YAF2: variants seen among roughly 807,000 people sequenced by gnomAD.
YAF2 encodes YY1 associated factor 2, also known as YY1-associated factor 2.
In YAF2, 7 loss-of-function variants were observed where a neutral mutation model predicts 20.1. That is an observed-to-expected ratio of 0.35 (90% CI 0.20 to 0.65). The LOEUF (loss-of-function observed/expected upper bound fraction) is 0.65. Ranked by LOEUF, YAF2 falls within the 30% of genes least tolerant of loss-of-function variation. YAF2 has a pLI of 0.69. For missense variants in YAF2, 151 were observed against 219.2 expected, an observed-to-expected ratio of 0.69 and a Z score of 1.96; for synonymous variants, 74 against 76.0, an observed-to-expected ratio of 0.97 and a Z score of 0.14.
chr12:42,165,726 C>T (rs1169808409), intron 2 of YAF2, among the ~76,000 whole-genome samples: 1 of 150,326 alleles, frequency 6.7e-6, no homozygotes, highest in East Asian at 1.9e-4. Flanking sequence ...CCGCCTCAGC[C>T]TCCCAAAGTG....
At chr12:42,163,015 T>C (rs1039320871) in intron 2 of YAF2, among the ~76,000 whole-genome samples, 1 of 152,160 alleles carries the variant, frequency 6.6e-6, no homozygotes, top group Admixed American at 6.6e-5. Context: ...TTTTCAAATA[T>C]AAGGTACATC....
chr12:42,174,085 T>C (rs1027540794), intron 2 of YAF2, among the ~76,000 whole-genome samples: 2 of 148,000 alleles, frequency 1.4e-5, no homozygotes, highest in African/African-American at 5.0e-5. Flanking sequence ...ATTTCAATAA[T>C]TCATACCTCA....
intron 2 of YAF2, among the ~76,000 whole-genome samples, chr12:42,236,438 T>C (rs916967833): frequency 3.3e-5 from 5 of 152,228 alleles, no homozygotes; most frequent in Admixed American, 6.5e-5. Flanking sequence ...TGTGGGAATA[T>C]ACAAAAAGCA....
intron 2 of YAF2, among the ~76,000 whole-genome samples, chr12:42,209,563 CAAAAAAAAA>C (rs71084623): frequency 3.6e-5 from 1 of 27,806 alleles, no homozygotes; most frequent in Non-Finnish European, 7.4e-5. Flanking sequence ...GACTTTGTCT[CAAAAAAAAA>C]AAAAAAAAAA....
At chr12:42,235,664 T>C in intron 2 of YAF2, 1 of 1,525,958 alleles carries the variant, frequency 6.6e-7, no homozygotes, top group Non-Finnish European at 8.7e-7. Context: ...CCAGAGCCTC[T>C]TCAGTTTCAA....
At chr12:42,181,895 T>G (rs2066351653) in intron 2 of YAF2, among the ~76,000 whole-genome samples, 11 of 152,092 alleles carry the variant, frequency 7.2e-5, no homozygotes, top group Admixed American at 7.2e-4. Context: ...AACAGTTTTT[T>G]ACATTTTACA....
intron 2 of YAF2, among the ~76,000 whole-genome samples, chr12:42,168,320 A>C (rs1226736863): frequency 2.0e-5 from 3 of 151,928 alleles, no homozygotes; most frequent in Non-Finnish European, 4.4e-5. Flanking sequence ...CTGGGATTAC[A>C]AGTGTGCACC....
chr12:42,236,806 G>A (rs1003506001), intron 2 of YAF2, among the ~76,000 whole-genome samples: 3 of 152,252 alleles, frequency 2.0e-5, no homozygotes, highest in Non-Finnish European at 4.4e-5. Flanking sequence ...TAAGAATCAA[G>A]GAGCTCGATA....
chr12:42,207,534 T>C (rs1329231681), intron 2 of YAF2, among the ~76,000 whole-genome samples: 1 of 152,054 alleles, frequency 6.6e-6, no homozygotes, highest in African/African-American at 2.4e-5. Flanking sequence ...AAATTGTTTT[T>C]AAGAAAAAAA....
chr12:42,218,815 T>G (rs1379234495), intron 2 of YAF2, among the ~76,000 whole-genome samples: 1 of 152,096 alleles, frequency 6.6e-6, no homozygotes, highest in Non-Finnish European at 1.5e-5. Flanking sequence ...GCTCTGAGCC[T>G]TACTAATCTC....
rs541314891 is a variant in YAF2, at chr12:42,195,059, C to T, written c.153-33294G>A. On this transcript the variant is annotated intron_variant, in intron 2 of 3. Transcript: ENST00000534854. ...TTTAATATGATAGATACGGTTTCAG[C>T]CCTTACAGTTCAGCGTGAGAAACAA... Among the ~76,000 whole-genome samples, 5 of 152,254 alleles carry T rather than the reference C, an allele frequency of 3.3e-5. No homozygotes were observed. The South Asian group carries it at 1.0e-3, about 32-fold the overall frequency.
chr12:42,186,633 T>C lies in YAF2; in HGVS notation c.153-24868A>G, dbSNP rs2066482006. Among the ~76,000 whole-genome samples, 4 of 151,714 alleles carry C rather than the reference T, an allele frequency of 2.6e-5. No individual in the cohort carries two copies. In the South Asian group the frequency reaches 8.3e-4, roughly 32 times the overall value. On this transcript the variant is annotated intron_variant, in intron 2 of 3. Coordinates refer to ENST00000534854, the MANE Select transcript of YAF2 (RefSeq NM_005748.6). ...TGGAGGTTGCGGTGAGCTGAGATCA[T>C]GCCATTGCACTCTAGCATGGGTGAC...
chr12:42,175,740 CAAAAAAAAA>C (rs59476115), intron 2 of YAF2, among the ~76,000 whole-genome samples: 565 of 44,980 alleles, frequency 0.013, 11 homozygotes, highest in African/African-American at 0.029. Context: ...GACTCTGTCT[CAAAAAAAAA>C]AAAAAAAAAA....
At chr12:42,175,759 A>AAAAAAAAAAAAAAAAAC in intron 2 of YAF2, among the ~76,000 whole-genome samples, 1 of 149,224 alleles carries the variant, frequency 6.7e-6, no homozygotes, top group Admixed American at 6.8e-5. Context: ...AAAAAAAAAA[A>AAAAAAAAAAAAAAAAAC]AAAAAAAAAA....
intron 2 of YAF2, chr12:42,210,502 G>C (rs752277504): frequency 5.9e-6 from 9 of 1,535,984 alleles, no homozygotes; most frequent in Non-Finnish European, 7.8e-6. Context: ...GTTTGGGGGA[G>C]GGGATTTGGG....
intron 2 of YAF2, among the ~76,000 whole-genome samples, chr12:42,163,801 G>A (rs1433092500): frequency 6.6e-6 from 1 of 152,126 alleles, no homozygotes; most frequent in Non-Finnish European, 1.5e-5. Context: ...AAGGTAGGAG[G>A]AACACAGTTT....
At chr12:42,191,981 G>A (rs2066624255) in intron 2 of YAF2, among the ~76,000 whole-genome samples, 2 of 151,812 alleles carry the variant, frequency 1.3e-5, no homozygotes, top group Non-Finnish European at 2.9e-5. Context: ...GGAGGAGGCT[G>A]CAGTGACCCA....
rs2067185653 is a variant in YAF2 at position 42,210,760 on chromosome 12, T to C, written c.152+26839A>G. On this transcript the variant is annotated intron_variant, in intron 2 of 3. Transcript: ENST00000534854. ...ACTACAGAAGAAAGCATAAATTCAC[T>C]AGATAACTATATATACACGTATCAA... The C allele has an allele frequency of 3.1e-6, 4 of 1,299,364 alleles. No homozygotes were observed. The South Asian group carries it at 4.4e-5, about 14-fold the overall frequency. 80.5% of individuals were successfully genotyped at this position (1,299,364 alleles called of 1,614,324 possible).
At position 42,238,231 on chromosome 12, in the gene YAF2, G is replaced by A; in HGVS notation, c.-51C>T. 7.9e-7 allele frequency: 1 copy of A among 1,268,440 alleles called. No individual in the cohort carries two copies. The allele number at this position is 1,268,440 out of a possible 1,614,324, so 78.6% of individuals were successfully genotyped here. A position where few individuals can be genotyped will look rare whatever the true frequency, so the allele number is the denominator to read the frequency against. On this transcript the variant is annotated 5_prime_UTR_variant, in exon 1 of 4. Coordinates refer to ENST00000534854, the MANE Select transcript of YAF2 (RefSeq NM_005748.6). ...AGTCGCCGCCGCGACCGCTCTGTTT[G>A]TCAATAAGGAGGATAATAAGCCGGG... is the stretch of plus-strand genomic sequence containing the variant.
Sources: gnomAD v4.1 joint callset for allele counts (sites outside exome capture counted in the v4.1 genomes callset) on GRCh38, gnomAD v4.1.1 for gene constraint, MANE v1.5 for transcripts, NCBI Gene and HGNC (gene_info 2026-07-23, HGNC 2026-07-21) for gene names.